Variants in TRAIP observed in about 807,000 individuals in gnomAD.
TRAIP encodes the protein E3 ubiquitin-protein ligase TRAIP.
Under a neutral mutation model 65.0 loss-of-function variants are expected in TRAIP, and 37 were observed. The observed-to-expected ratio is 0.57, with a 90% CI of 0.44 to 0.75. TRAIP has a LOEUF of 0.75. Among genes scored for constraint, TRAIP ranks in the 30% least tolerant of loss-of-function variants. The pLI, the probability that TRAIP is intolerant of heterozygous loss-of-function variation, is 0.00. For synonymous variants in TRAIP, 187 were observed against 219.1 expected (o/e 0.85, Z 1.29); for missense variants, 481 against 579.4 (o/e 0.83, Z 1.74).
At chr3:49,842,666 C>A in intron 5 of TRAIP, 119 bp from the exon 6 acceptor site, 3 of 883,898 alleles carry the variant, frequency 3.4e-6, no homozygotes, top group Non-Finnish European at 3.5e-6. Flanking sequence ...ATGCTGATAA[C>A]CATGTACTCC....
chr3:49,847,659 A>G, intron 2 of TRAIP, 51 bp from the exon 3 acceptor site: 2 of 1,352,130 alleles, frequency 1.5e-6, no homozygotes, highest in Non-Finnish European at 2.1e-6. Context: ...GGTCATGCGC[A>G]AGGAGGAGAG....
At chr3:49,854,965 A>T (rs151330817) in intron 1 of TRAIP, among the ~76,000 whole-genome samples, 31 of 151,794 alleles carry the variant, frequency 2.0e-4, no homozygotes, top group African/African-American at 6.8e-4. Context: ...TTGGGAGGCT[A>T]AGATGGGAGA....
Position 49,831,949 on chromosome 3 carries a change from C to A in TRAIP, c.1004G>T (p.Gly335Val), listed in dbSNP as rs144992965. Reference sequence around the variant, plus strand: ...CTCTAGGCAAAGTTTTTCGTAGTAACCATGCTGGGAGCTGGAGGGCCGGGC... The same window carrying A: ...CTCTAGGCAAAGTTTTTCGTAGTAAACATGCTGGGAGCTGGAGGGCCGGGC... The part of the protein sequence containing the change: ...PPARPSSSQH[G>V]YYEKLCLEKS... The change falls in exon 11 of 15, where the codon GGT becomes GTT. Residue 335 changes from glycine to valine, a missense_variant. Coordinates refer to ENST00000331456, the MANE Select transcript of TRAIP (RefSeq NM_005879.3). The A allele has an allele frequency of 1.9e-3, 3,033 of 1,597,656 alleles. 5 individuals are homozygous for A. Among genetic ancestry groups the A allele is most frequent in the Non-Finnish European group, 2.3e-3 (2,718 of 1,172,160 alleles).
intron 10 of TRAIP, among the ~76,000 whole-genome samples, chr3:49,838,222 C>T (rs757513924): frequency 6.6e-6 from 1 of 152,176 alleles, no homozygotes. Context: ...TGAATGAAGT[C>T]ATCCTCATGT....
chr3:49,854,748 A>G (rs929201101), intron 1 of TRAIP, among the ~76,000 whole-genome samples: 1 of 152,160 alleles, frequency 6.6e-6, no homozygotes, highest in Non-Finnish European at 1.5e-5. Context: ...TGGATTTTTA[A>G]AAGTCCAACT....
intron 1 of TRAIP, among the ~76,000 whole-genome samples, chr3:49,851,661 G>A (rs2081933029): frequency 1.3e-5 from 2 of 151,870 alleles, no homozygotes; most frequent in South Asian, 4.2e-4. Flanking sequence ...AAAGTGCTGG[G>A]ATTAAAGGGG....
chr3:49,839,474 G>A (rs1218911504), intron 10 of TRAIP, among the ~76,000 whole-genome samples: 1 of 152,212 alleles, frequency 6.6e-6, no homozygotes, highest in Admixed American at 6.5e-5. Context: ...AAAATCTGGG[G>A]TGGACAGATA....
Position 49,845,755 on chromosome 3 carries a change from T to C in TRAIP, c.241-1175A>G, listed in dbSNP as rs575158794. On this transcript the variant is annotated intron_variant, in intron 3 of 14. Coordinates refer to ENST00000331456, the MANE Select transcript of TRAIP (RefSeq NM_005879.3). ...GATGTTGCTACCTGTCTCACAAACC[T>C]GGCTTTGAAAGCTGGAAATAAATGA... Among the ~76,000 whole-genome samples, 3 of 152,366 alleles carry C rather than the reference T, an allele frequency of 2.0e-5. 1 individual carries two copies. In the East Asian group the frequency reaches 5.8e-4, roughly 29 times the overall value.
chr3:49,840,226 G>A, intron 9 of TRAIP, 58 bp downstream of exon 9: 1 of 1,479,468 alleles, frequency 6.8e-7, no homozygotes. Context: ...GCCCAGCCCT[G>A]CTCTGGGAGG....
intron 7 of TRAIP, 111 bp from the exon 8 acceptor site, chr3:49,841,183 TC>T: frequency 1.1e-6 from 1 of 901,680 alleles, no homozygotes; most frequent in East Asian, 2.5e-5. Context: ...TCACTCTCAT[TC>T]CTACTTTGAC....
intron 7 of TRAIP, among the ~76,000 whole-genome samples, chr3:49,841,538 G>A (rs1229658938): frequency 6.6e-6 from 1 of 152,212 alleles, no homozygotes; most frequent in Admixed American, 6.5e-5. Context: ...CAGAGAGCTA[G>A]GTCAACTCCC....
chr3:49,844,208 A>G (rs1394402222), intron 4 of TRAIP, among the ~76,000 whole-genome samples: 1 of 152,106 alleles, frequency 6.6e-6, no homozygotes, highest in African/African-American at 2.4e-5. Context: ...TTAGTTCATC[A>G]ACCCAGGACT....
intron 9 of TRAIP, 90 bp downstream of exon 9, chr3:49,840,194 G>T: frequency 8.2e-7 from 1 of 1,214,118 alleles, no homozygotes; most frequent in Non-Finnish European, 1.2e-6. Context: ...ACTGACTGGT[G>T]CAAGGGTCCT....
chr3:49,856,237 G>A (rs1215564990), intron 1 of TRAIP, 119 bp downstream of exon 1: 13 of 851,104 alleles, frequency 1.5e-5, no homozygotes, highest in Non-Finnish European at 2.4e-5. Flanking sequence ...GCCTCGTCTA[G>A]GAGGAAGGTT....
chr3:49,844,638 G>C (rs183661179), intron 3 of TRAIP, 58 bp from the exon 4 acceptor site: 335 of 1,604,454 alleles, frequency 2.1e-4, no homozygotes, highest in Non-Finnish European at 2.8e-4. Context: ...CCTCCACGTG[G>C]TCTCCCATAA....
rs756584901 is a variant in TRAIP at position 49,841,089 on chromosome 3, GAA to G, written c.618-19_618-18del. On this transcript the variant is annotated intron_variant, in intron 7 of 14. Coordinates refer to ENST00000331456, the MANE Select transcript of TRAIP (RefSeq NM_005879.3). ...TCGTACTCTCTGCAATGTGGCCATG[GAA>G]AGAGATGCCAGAAAAGAACACCTGC... 20 of 1,611,562 alleles carry G rather than the reference GAA, an allele frequency of 1.2e-5. No individual in the cohort carries two copies. Among genetic ancestry groups the G allele is most frequent in the Middle Eastern group, 1.6e-4 (1 of 6,078 alleles).
Position 49,828,951 on chromosome 3 carries a change from T to G in TRAIP, c.*152A>C, listed in dbSNP as rs893875802. ...CAGGGTGAGGGCAGGAAGAGCAGTC[T>G]CTGGGTGCCACACTCACCCTCACCT... On this transcript the variant is annotated 3_prime_UTR_variant, in exon 15 of 15. Coordinates refer to ENST00000331456, the MANE Select transcript of TRAIP (RefSeq NM_005879.3). The G allele has an allele frequency of 9.5e-7, 1 of 1,048,968 alleles. No individual in the cohort carries two copies. The highest frequency in any genetic ancestry group is 1.9e-5 in the Admixed American group (1 of 52,914). 65.0% of individuals were successfully genotyped at this position (1,048,968 alleles called of 1,614,324 possible).
At chr3:49,832,755 C>T (rs373109842) in intron 10 of TRAIP, among the ~76,000 whole-genome samples, 28 of 130,046 alleles carry the variant, frequency 2.2e-4, no homozygotes, top group East Asian at 7.4e-4. Flanking sequence ...ATTAAAACTA[C>T]AGCCGACAGG....
At position 49,856,545 on chromosome 3, in the gene TRAIP, T is replaced by G; in HGVS notation, c.-92A>C. ...CCCCGCGCCTCCGCTTGCTTCAAAT[T>G]TGGCTCCGCAGCACGACTTCCTGGA... On this transcript the variant is annotated 5_prime_UTR_variant, in exon 1 of 15. Transcript: ENST00000331456. The G allele has an allele frequency of 8.4e-7, 1 of 1,183,568 alleles. No individual in the cohort carries two copies. The highest frequency in any genetic ancestry group is 1.2e-6 in the Non-Finnish European group (1 of 825,170). 73.3% of individuals were successfully genotyped at this position (1,183,568 alleles called of 1,614,324 possible). A position where few individuals can be genotyped will look rare whatever the true frequency, so the allele number is the denominator to read the frequency against.
Sources: gnomAD v4.1 joint callset for allele counts (sites outside exome capture counted in the v4.1 genomes callset) on GRCh38, gnomAD v4.1.1 for gene constraint, MANE v1.5 for transcripts, NCBI Gene and HGNC (gene_info 2026-07-23, HGNC 2026-07-21) for gene names.